KLHL1: variants seen among roughly 807,000 people sequenced by gnomAD.
The protein encoded by KLHL1 is kelch-like protein 1.
Under a neutral mutation model 77.7 loss-of-function variants are expected in KLHL1, and 47 were observed. That is an observed-to-expected ratio of 0.60 (90% CI 0.48 to 0.77). KLHL1 has a LOEUF of 0.77. Ranked by LOEUF, KLHL1 falls within the 30% of genes least tolerant of loss-of-function variation. The probability of loss-of-function intolerance (pLI) is 0.00; values close to 1 mark genes in which losing one functional copy is unlikely to be tolerated. For synonymous variants in KLHL1, 360 were observed against 325.2 expected, an observed-to-expected ratio of 1.11 and a Z score of -1.15; for missense variants, 925 against 910.8, an observed-to-expected ratio of 1.02 and a Z score of -0.20.
At chr13:70,023,226 C>T (rs963018191) in intron 1 of KLHL1, among the ~76,000 whole-genome samples, 2 of 151,914 alleles carry the variant, frequency 1.3e-5, no homozygotes, top group African/African-American at 2.4e-5. Context: ...ATACTATCCT[C>T]ATGTACCGAT....
chr13:69,813,317 C>A (rs899026932), intron 6 of KLHL1, among the ~76,000 whole-genome samples: 7 of 151,172 alleles, frequency 4.6e-5, no homozygotes, highest in Non-Finnish European at 7.4e-5. Context: ...CACACCGGGG[C>A]CTGTTGTGGG....
intron 7 of KLHL1, among the ~76,000 whole-genome samples, chr13:69,750,279 T>C (rs1294595129): frequency 6.6e-6 from 1 of 151,752 alleles, no homozygotes; most frequent in Non-Finnish European, 1.5e-5. Context: ...AGTAAATATG[T>C]AAAATCAGTG....
chr13:70,094,393 T>TATATATATATATATATATATATA (rs1887738580), intron 1 of KLHL1, among the ~76,000 whole-genome samples: 36 of 137,198 alleles, frequency 2.6e-4, no homozygotes, highest in African/African-American at 1.1e-3. Context: ...GCAATCATCT[T>TATATATATATATATATATATATA]TATATATATA....
intron 4 of KLHL1, among the ~76,000 whole-genome samples, chr13:69,926,970 A>AAAAAAAC (rs1882838565): frequency 1.4e-5 from 2 of 146,126 alleles, no homozygotes; most frequent in South Asian, 2.2e-4. Flanking sequence ...AAAAAAAAAA[A>AAAAAAAC]GCAGAGAATT....
chr13:69,895,160 T>C, intron 4 of KLHL1: 1 of 470,926 alleles, frequency 2.1e-6, no homozygotes, highest in South Asian at 1.6e-5. Flanking sequence ...CATGAGAAGG[T>C]AGTCTTTAAT....
rs560621464 is a variant in KLHL1, at chr13:70,037,352, A to G, written c.498-61550T>C. Among the ~76,000 whole-genome samples the G allele has an allele frequency of 1.7e-3, 254 of 152,202 alleles. 1 individual carries two copies. The highest frequency in any genetic ancestry group is 6.0e-3 in the African/African-American group (248 of 41,564). ...TTCATTCTATAAGCACGTTGAACAT[A>G]TAATTTCAGTATCTCTTGGCTTTTG... is the stretch of plus-strand genomic sequence containing the variant. On this transcript the variant is annotated intron_variant, in intron 1 of 10. Transcript: ENST00000377844.
intron 3 of KLHL1, among the ~76,000 whole-genome samples, chr13:69,960,206 C>G (rs915971348): frequency 6.8e-6 from 1 of 147,216 alleles, no homozygotes; most frequent in African/African-American, 2.5e-5. Flanking sequence ...TAAAAGAGGA[C>G]AGAGTCCTCC....
chr13:69,968,017 T>C (rs892484766), intron 2 of KLHL1, among the ~76,000 whole-genome samples: 1 of 152,004 alleles, frequency 6.6e-6, no homozygotes, highest in African/African-American at 2.4e-5. Context: ...TCAAACAGCA[T>C]CCCATGCTAT....
At chr13:69,995,872 T>C (rs901840009) in intron 1 of KLHL1, among the ~76,000 whole-genome samples, 2 of 152,246 alleles carry the variant, frequency 1.3e-5, no homozygotes, top group East Asian at 1.9e-4. Flanking sequence ...AATTCTCATA[T>C]TGAGGTCTCG....
At chr13:69,815,647 A>G (rs1263598469) in intron 6 of KLHL1, among the ~76,000 whole-genome samples, 12 of 152,148 alleles carry the variant, frequency 7.9e-5, no homozygotes, top group Admixed American at 7.9e-4. Context: ...TAGAAGCCCA[A>G]ACCTCAGCAT....
At chr13:69,896,539 T>C (rs1881646937) in intron 4 of KLHL1, among the ~76,000 whole-genome samples, 1 of 152,182 alleles carries the variant, frequency 6.6e-6, no homozygotes, top group Non-Finnish European at 1.5e-5. Context: ...ATGAAGCTGA[T>C]GGATGACCCT....
intron 4 of KLHL1, among the ~76,000 whole-genome samples, chr13:69,914,559 T>A (rs557207616): frequency 3.3e-5 from 5 of 152,274 alleles, no homozygotes; most frequent in African/African-American, 1.2e-4. Flanking sequence ...CAGGTGATCA[T>A]TATTTATTAA....
intron 1 of KLHL1, among the ~76,000 whole-genome samples, chr13:70,035,522 T>A (rs1192796721): frequency 6.6e-6 from 1 of 151,978 alleles, no homozygotes; most frequent in Non-Finnish European, 1.5e-5. Flanking sequence ...GATCTAGTAT[T>A]TGATAGTGAA....
intron 1 of KLHL1, among the ~76,000 whole-genome samples, chr13:70,045,156 C>T (rs907897280): frequency 6.6e-6 from 1 of 152,096 alleles, no homozygotes; most frequent in Non-Finnish European, 1.5e-5. Context: ...ACATCCATCA[C>T]CTGAAAAGTT....
intron 1 of KLHL1, among the ~76,000 whole-genome samples, chr13:70,055,490 G>T (rs2137397516): frequency 6.6e-6 from 1 of 152,076 alleles, no homozygotes; most frequent in Non-Finnish European, 1.5e-5. Context: ...AAAAGTCAAT[G>T]GTAACAGTAA....
chr13:70,027,998 C>T (rs970920023), intron 1 of KLHL1, among the ~76,000 whole-genome samples: 4 of 151,968 alleles, frequency 2.6e-5, no homozygotes, highest in Admixed American at 2.6e-4. Context: ...GAAGAAATTC[C>T]TAAAAGAAAG....
At chr13:69,938,813 A>C (rs536543643) in intron 4 of KLHL1, among the ~76,000 whole-genome samples, 69 of 152,086 alleles carry the variant, frequency 4.5e-4, no homozygotes, top group Non-Finnish European at 7.5e-4. Flanking sequence ...ATTTTCATTT[A>C]ATTTAGTAAT....
chr13:69,777,018 A>G (rs1875864882), intron 7 of KLHL1, among the ~76,000 whole-genome samples: 1 of 146,112 alleles, frequency 6.8e-6, no homozygotes, highest in South Asian at 2.4e-4. Flanking sequence ...CCCACGTGTC[A>G]TGGGTGGGAG....
intron 3 of KLHL1, among the ~76,000 whole-genome samples, chr13:69,948,095 C>A (rs7337863): frequency 0.13 from 19,283 of 149,808 alleles, 1,899 homozygotes; most frequent in East Asian, 0.29. Flanking sequence ...AGATTGTTTT[C>A]AAAAAAAAAT....
Sources: allele counts gnomAD v4.1 joint callset (sites outside exome capture counted in the v4.1 genomes callset), GRCh38; gene constraint gnomAD v4.1.1; transcripts MANE v1.5; gene names NCBI Gene and HGNC (gene_info 2026-07-23, HGNC 2026-07-21).